ADGRV1: variants seen among roughly 807,000 people sequenced by gnomAD.
The protein encoded by ADGRV1 is adhesion G protein-coupled receptor V1.
A neutral mutation model predicts 596.2 loss-of-function variants in ADGRV1; 359 were observed. The ratio of observed to expected loss-of-function variants is 0.60; its 90% CI spans 0.55 to 0.66. ADGRV1 has a LOEUF of 0.66. Among genes scored for constraint, ADGRV1 ranks in the 30% least tolerant of loss-of-function variants. The pLI is 0.00. For missense variants in ADGRV1, 7,274 were observed against 7,575.6 expected (o/e 0.96, Z 1.48); for synonymous variants, 2,681 against 2,679.2 (o/e 1.00, Z -0.02).
intron 50 of ADGRV1, among the ~76,000 whole-genome samples, chr5:90,735,282 A>G (rs1248417623): frequency 1.3e-5 from 2 of 152,040 alleles, no homozygotes; most frequent in Admixed American, 6.6e-5. Context: ...CTCTTTCTTC[A>G]TTGTGTGTTC....
intron 77 of ADGRV1, among the ~76,000 whole-genome samples, chr5:90,831,994 T>G (rs1764566334): frequency 6.6e-6 from 1 of 152,218 alleles, no homozygotes; most frequent in Non-Finnish European, 1.5e-5. Context: ...GACACTTTGG[T>G]TGGTTCCAAA....
chr5:90,890,006 G>T (rs1770657831), intron 83 of ADGRV1, among the ~76,000 whole-genome samples: 1 of 152,132 alleles, frequency 6.6e-6, no homozygotes. Context: ...CAGTCTGGTT[G>T]ATCAGTCTTG....
chr5:90,772,514 T>C (rs190186328), intron 59 of ADGRV1, among the ~76,000 whole-genome samples: 2 of 152,326 alleles, frequency 1.3e-5, no homozygotes, highest in Non-Finnish European at 2.9e-5. Context: ...GTAGAAAATA[T>C]GTATGTTAGA....
intron 74 of ADGRV1, among the ~76,000 whole-genome samples, chr5:90,811,830 G>A (rs754657132): frequency 2.7e-5 from 4 of 149,982 alleles, no homozygotes; most frequent in Admixed American, 6.7e-5. Context: ...GTGTATATAC[G>A]TTACAATAGC....
rs1019134495 is a variant in ADGRV1 at position 90,823,467 on chromosome 5, C to G, written c.16239C>G (p.Asn5413Lys). The change falls in exon 76 of 90, where the codon AAC becomes AAG. Residue 5413 changes from asparagine (N) to lysine (K), a missense_variant. This residue lies in a region of ADGRV1 where 1,874 missense variants were observed against 1,970.2 expected (regional missense o/e 0.95). Coordinates refer to ENST00000405460, the MANE Select transcript of ADGRV1 (RefSeq NM_032119.4). ...DVKVFWRVTL[N>K]KTVVVLQKDG... ...AGGTCTTTTGGCGAGTCACACTTAA[C>G]AAAACAGTCGTCGTGCTCCAGAAGG... The G allele has an allele frequency of 6.2e-7, 1 of 1,613,880 alleles. No homozygotes were observed. Among genetic ancestry groups the G allele is most frequent in the Non-Finnish European group, 8.5e-7 (1 of 1,179,850 alleles).
rs879398284 is a variant in ADGRV1 at position 90,574,169 on chromosome 5, G to GT, written c.22+15264dup. Reference sequence around the variant, plus strand: ...TCGGTTCCATGTTAATTTCAGAATAGTTTTTTTTTTTTAAATTCTGTGAAG... The same window carrying GT: ...TCGGTTCCATGTTAATTTCAGAATAGTTTTTTTTTTTTTAAATTCTGTGAAG... On this transcript the variant is annotated intron_variant, in intron 1 of 89. Transcript: ENST00000405460. 7.8e-4 allele frequency among the ~76,000 whole-genome samples: 110 copies of GT among 141,854 alleles called. 1 individual carries two copies. Among genetic ancestry groups the GT allele is most frequent in the Admixed American group, 2.5e-3 (36 of 14,486 alleles). The allele number at this position is 141,854 out of a possible 152,430, so 93.1% of individuals were successfully genotyped here. A position where few individuals can be genotyped will look rare whatever the true frequency, so the allele number is the denominator to read the frequency against.
chr5:90,953,539 G>C (rs1379530777), intron 83 of ADGRV1, among the ~76,000 whole-genome samples: 1 of 151,802 alleles, frequency 6.6e-6, no homozygotes, highest in Non-Finnish European at 1.5e-5. Flanking sequence ...ATCAGTTTGC[G>C]AGTTTTTTGT....
chr5:90,691,489 AT>A (rs1249586988), intron 31 of ADGRV1, among the ~76,000 whole-genome samples: 1 of 144,116 alleles, frequency 6.9e-6, no homozygotes, highest in Non-Finnish European at 1.5e-5. Flanking sequence ...GGTTTAAGGG[AT>A]TCTCCTGCCT....
intron 87 of ADGRV1, among the ~76,000 whole-genome samples, chr5:91,118,091 A>C (rs984192878): frequency 6.6e-6 from 1 of 152,176 alleles, no homozygotes; most frequent in Non-Finnish European, 1.5e-5. Context: ...AGATGGCTTT[A>C]GGAAAGATGT....
At position 90,778,532 on chromosome 5, in the gene ADGRV1, A is replaced by G. The variant is rs972151252; in HGVS notation, c.12772A>G (p.Thr4258Ala). 2 of 1,612,692 alleles carry G rather than the reference A, an allele frequency of 1.2e-6. No individual in the cohort carries two copies. Among genetic ancestry groups the G allele is most frequent in the African/African-American group, 2.7e-5 (2 of 74,874 alleles). ...LSESSSTANI[T>A]VVASDSPYGR... is the part of the protein sequence containing the mutation. ...TGAATCCAGCAGCACTGCCAACATCACGGTGGTGGCCAGCGACTCTCCCTA... is the reference window on the plus strand; with the variant it reads ...TGAATCCAGCAGCACTGCCAACATCGCGGTGGTGGCCAGCGACTCTCCCTA... The change falls in exon 63 of 90, where the codon ACG becomes GCG. Residue 4258 changes from threonine (T) to alanine (A), a missense_variant. Transcript: ENST00000405460.
intron 85 of ADGRV1, among the ~76,000 whole-genome samples, chr5:90,990,838 A>G (rs1001057922): frequency 5.3e-5 from 8 of 152,216 alleles, no homozygotes; most frequent in African/African-American, 1.9e-4. Flanking sequence ...GTCTCTATTG[A>G]GTAGTTTTAT....
rs1318374664 is a variant in ADGRV1 at position 90,725,151 on chromosome 5, G to A, written c.9972G>A (p.Val3324=). 3 of 1,546,364 alleles carry A rather than the reference G, an allele frequency of 1.9e-6. No homozygotes were observed. Among genetic ancestry groups the A allele is most frequent in the South Asian group, 1.2e-5 (1 of 82,714 alleles). ...AFNIGFSPYF[V]ITHEERNEEK... is the part of the protein sequence containing the mutation. ...ATATTGGTTTTTCTCCCTACTTTGT[G>A]ATTACTCATGAAGAAAGAAATGAAG... Residue 3324 remains valine (V), a synonymous_variant, in exon 47 of 90, where the codon GTG becomes GTA. Transcript: ENST00000405460.
intron 1 of ADGRV1, among the ~76,000 whole-genome samples, chr5:90,607,991 C>G (rs1762307898): frequency 6.6e-6 from 1 of 151,750 alleles, no homozygotes; most frequent in African/African-American, 2.4e-5. Flanking sequence ...AGATACTTTA[C>G]AAAATCATTG....
rs775845081 is a variant in ADGRV1 at position 90,627,315 on chromosome 5, T to C, written c.777T>C (p.Asn259=). The part of the protein sequence containing the change: ...RNSIEIIIKK[N]DSPVRFLQSI... ...CCATTGAGATCATCATTAAGAAAAA[T>C]GATAGTCCCGTGAGATTCCTTCAGA... Residue 259 remains asparagine (N), a synonymous_variant, in exon 7 of 90, where the codon AAT becomes AAC. Coordinates refer to ENST00000405460, the MANE Select transcript of ADGRV1 (RefSeq NM_032119.4). 44 of 1,613,176 alleles carry C rather than the reference T, an allele frequency of 2.7e-5. No homozygotes were observed. Among genetic ancestry groups the C allele is most frequent in the Non-Finnish European group, 3.6e-5 (43 of 1,179,430 alleles).
intron 83 of ADGRV1, among the ~76,000 whole-genome samples, chr5:90,946,784 G>A (rs1382805000): frequency 6.6e-6 from 1 of 152,082 alleles, no homozygotes; most frequent in African/African-American, 2.4e-5. Flanking sequence ...TCCCCGAAAA[G>A]GACATGATCT....
chr5:90,765,110 G>T (rs138063354), intron 59 of ADGRV1, among the ~76,000 whole-genome samples: 2,262 of 152,164 alleles, frequency 0.015, 45 homozygotes, highest in African/African-American at 0.051. Context: ...CTTCCCACTG[G>T]CCCTCTGACA....
intron 21 of ADGRV1, among the ~76,000 whole-genome samples, chr5:90,662,522 G>A (rs1210781857): frequency 6.6e-6 from 1 of 151,820 alleles, no homozygotes; most frequent in Non-Finnish European, 1.5e-5. Flanking sequence ...GCAAACCTCA[G>A]GCGTTATGTT....
chr5:90,716,425 C>G, intron 42 of ADGRV1, 42 bp from the exon 43 acceptor site: 2 of 1,443,110 alleles, frequency 1.4e-6, no homozygotes, highest in Non-Finnish European at 1.9e-6. Flanking sequence ...TTTATAACCT[C>G]TTCTATTTTC....
chr5:90,690,161 T>A lies in ADGRV1; in HGVS notation c.6706+85T>A, dbSNP rs1173719076. 9 of 778,358 alleles carry A rather than the reference T, an allele frequency of 1.2e-5. No individual in the cohort carries two copies. In the Admixed American group the frequency reaches 2.2e-4, roughly 19 times the overall value. The allele number at this position is 778,358 out of a possible 1,614,324, so 48.2% of individuals were successfully genotyped here. ...GATCTTTACTTTTGGAGACTCAGAATTGATCTGATCATGCTTTCTTTCTTA... is the reference window on the plus strand; with the variant it reads ...GATCTTTACTTTTGGAGACTCAGAAATGATCTGATCATGCTTTCTTTCTTA... On this transcript the variant is annotated intron_variant, in intron 30 of 89. Coordinates refer to ENST00000405460, the MANE Select transcript of ADGRV1 (RefSeq NM_032119.4).
Sources: allele counts gnomAD v4.1 joint callset (sites outside exome capture counted in the v4.1 genomes callset), GRCh38; gene constraint gnomAD v4.1.1; regional missense constraint gnomAD v4.1.1; transcripts MANE v1.5; gene names NCBI Gene and HGNC (gene_info 2026-07-23, HGNC 2026-07-21).